ZDHHC8: variants seen among roughly 807,000 people sequenced by gnomAD.
ZDHHC8 encodes the protein zDHHC palmitoyltransferase 8.
A neutral mutation model predicts 61.2 loss-of-function variants in ZDHHC8; 24 were observed. That is an observed-to-expected ratio of 0.39 (90% CI 0.28 to 0.55). The LOEUF (loss-of-function observed/expected upper bound fraction) is 0.55. ZDHHC8 is among the 20% of genes least tolerant of loss of function. The probability of loss-of-function intolerance (pLI) is 0.60; values close to 1 mark genes in which losing one functional copy is unlikely to be tolerated. For missense variants in ZDHHC8, 935 were observed against 1,102.1 expected, an observed-to-expected ratio of 0.85 and a Z score of 2.15; for synonymous variants, 523 against 492.5, an observed-to-expected ratio of 1.06 and a Z score of -0.82.
Position 20,140,138 on chromosome 22 carries a change from G to A in ZDHHC8, c.581G>A (p.Gly194Asp). The A allele has an allele frequency of 6.2e-7, 1 of 1,613,720 alleles. No individual in the cohort carries two copies. The highest frequency in any genetic ancestry group is 8.5e-7 in the Non-Finnish European group (1 of 1,180,028). Reference protein sequence around the residue: ...TITMAVMCVAGLFFIPVIGLT... With the variant: ...TITMAVMCVADLFFIPVIGLT... Reference sequence around the variant, plus strand: ...AGCATGGCTGTCATGTGTGTGGCCGGCCTCTTCTTCATCCCTGTCATTGGC... The same window carrying A: ...AGCATGGCTGTCATGTGTGTGGCCGACCTCTTCTTCATCCCTGTCATTGGC... Residue 194 changes from glycine (G) to aspartate (D), a missense_variant, in exon 5 of 11, where the codon GGC becomes GAC. By Grantham distance (94) the Gly-to-Asp change is moderately conservative (BLOSUM62 -1). Coordinates refer to ENST00000334554, the MANE Select transcript of ZDHHC8 (RefSeq NM_013373.4).
In ZDHHC8 at chr22:20,145,575, C is replaced by G; in HGVS notation, c.*175C>G. 5.5e-6 allele frequency: 7 copies of G among 1,274,564 alleles called. No individual in the cohort carries two copies. Among genetic ancestry groups the G allele is most frequent in the Non-Finnish European group, 6.9e-6 (7 of 1,009,722 alleles). 79.0% of individuals were successfully genotyped at this position (1,274,564 alleles called of 1,614,324 possible). A position where few individuals can be genotyped will look rare whatever the true frequency, so the allele number is the denominator to read the frequency against. ...AGCTTGCCCCAAGCGCTCTGCCTGC[C>G]CGTCCACTCATCTGCCCATGGGGAA... On this transcript the variant is annotated 3_prime_UTR_variant, in exon 11 of 11. Transcript: ENST00000334554.
chr22:20,144,534 GAGCCC>G (rs755966104), intron 10 of ZDHHC8, among the ~76,000 whole-genome samples: 7 of 152,240 alleles, frequency 4.6e-5, no homozygotes, highest in African/African-American at 4.8e-5. Flanking sequence ...CCCAGAGGGA[GAGCCC>G]AGCCCAGCCC....
intron 1 of ZDHHC8, among the ~76,000 whole-genome samples, chr22:20,136,801 ATG>A (rs2050424929): frequency 6.6e-6 from 1 of 152,128 alleles, no homozygotes; most frequent in Non-Finnish European, 1.5e-5. Flanking sequence ...CTGTGTGTTT[ATG>A]TGTGTACATG....
intron 1 of ZDHHC8, among the ~76,000 whole-genome samples, chr22:20,136,513 C>T (rs911499130): frequency 2.0e-5 from 3 of 152,068 alleles, no homozygotes; most frequent in Admixed American, 6.5e-5. Flanking sequence ...GTGGGAGGGC[C>T]GTGTCTGAGG....
Position 20,143,364 on chromosome 22 carries a change from C to A in ZDHHC8, c.1734C>A (p.Val578=). Reference sequence around the variant, plus strand: ...ACTCACTCTTCGGCGACTCAGGCGTCTATGACGCTCCCAGCTCCTACAGCC... The same window carrying A: ...ACTCACTCTTCGGCGACTCAGGCGTATATGACGCTCCCAGCTCCTACAGCC... The part of the protein sequence containing the change: ...QADSLFGDSG[V]YDAPSSYSLQ... Residue 578 remains valine (V), a synonymous_variant, in exon 10 of 11, where the codon GTC becomes GTA. Coordinates refer to ENST00000334554, the MANE Select transcript of ZDHHC8 (RefSeq NM_013373.4). The A allele has an allele frequency of 6.3e-7, 1 of 1,585,016 alleles. No homozygotes were observed. Among genetic ancestry groups the A allele is most frequent in the Non-Finnish European group, 8.6e-7 (1 of 1,169,112 alleles).
chr22:20,140,318 G>T (rs2148006476), intron 5 of ZDHHC8, 101 bp downstream of exon 5: 1 of 1,223,086 alleles, frequency 8.2e-7, no homozygotes, highest in Middle Eastern at 2.4e-4. Context: ...GAGGTAGCTT[G>T]TGCAGCTGTG....
rs568441696 is a variant in ZDHHC8, at chr22:20,140,396, C to T, written c.660+179C>T. ...GCCTGCCCCGTCCCCTGCGCACATC[C>T]TGCCTGTGGACACTGTGGCCACCAG... On this transcript the variant is annotated intron_variant, in intron 5 of 10. Transcript: ENST00000334554. 3.2e-4 allele frequency: 253 copies of T among 781,390 alleles called. 1 individual carries two copies. The highest frequency in any genetic ancestry group is 2.8e-3 in the Middle Eastern group (8 of 2,874). The allele number at this position is 781,390 out of a possible 1,614,324, so 48.4% of individuals were successfully genotyped here.
At chr22:20,132,251 G>T (rs1170484810) in intron 1 of ZDHHC8, among the ~76,000 whole-genome samples, 200 bp downstream of exon 1, 1 of 152,218 alleles carries the variant, frequency 6.6e-6, no homozygotes, top group Non-Finnish European at 1.5e-5. Context: ...CCGGGCACCG[G>T]GGTGAGTCCC....
chr22:20,132,211 C>CT (rs1313069257), intron 1 of ZDHHC8, among the ~76,000 whole-genome samples, 160 bp downstream of exon 1: 1 of 152,090 alleles, frequency 6.6e-6, no homozygotes, highest in African/African-American at 2.4e-5. Flanking sequence ...CCCGCTGGGG[C>CT]TGGGGGAGTT....
intron 1 of ZDHHC8, among the ~76,000 whole-genome samples, chr22:20,134,570 A>G (rs761151701): frequency 6.6e-6 from 1 of 152,202 alleles, no homozygotes; most frequent in Non-Finnish European, 1.5e-5. Context: ...TAGTGCCTAT[A>G]CAGGGTTCCC....
In ZDHHC8 at chr22:20,143,502, G is replaced by A; in HGVS notation, c.1872G>A (p.Leu624=). Residue 624 remains leucine, a synonymous_variant, in exon 10 of 11, where the codon CTG becomes CTA. Coordinates refer to ENST00000334554, the MANE Select transcript of ZDHHC8 (RefSeq NM_013373.4). ...PGFGGARNPA[L]QTSLSSLSSS... Reference sequence around the variant, plus strand: ...TCGGTGGCGCCCGCAACCCTGCCCTGCAGACGTCACTGTCCTCGCTGTCCA... The same window carrying A: ...TCGGTGGCGCCCGCAACCCTGCCCTACAGACGTCACTGTCCTCGCTGTCCA... 1 of 1,600,856 alleles carries A rather than the reference G, an allele frequency of 6.2e-7. No individual in the cohort carries two copies.
At chr22:20,139,119 C>A (rs867536060) in intron 1 of ZDHHC8, 75 bp from the exon 2 acceptor site, 1 of 1,535,244 alleles carries the variant, frequency 6.5e-7, no homozygotes. Flanking sequence ...CCCAGCCTGC[C>A]GCACCACATA....
In ZDHHC8 at chr22:20,143,335, G is replaced by C. The variant is rs1345177897; in HGVS notation, c.1705G>C (p.Ala569Pro). Residue 569 changes from alanine (A) to proline (P), a missense_variant, in exon 10 of 11, where the codon GCC (alanine) becomes CCC (proline). Coordinates refer to ENST00000334554, the MANE Select transcript of ZDHHC8 (RefSeq NM_013373.4). ...GCGTGAGCGCCTGCTGCGCTCCCAG[G>C]CCGACTCACTCTTCGGCGACTCAGG... Reference protein sequence around the residue: ...EERERLLRSQADSLFGDSGVY... With the variant: ...EERERLLRSQPDSLFGDSGVY... The C allele has an allele frequency of 1.3e-6, 2 of 1,589,536 alleles. No homozygotes were observed. The highest frequency in any genetic ancestry group is 1.8e-5 in the Admixed American group (1 of 57,042).
At chr22:20,135,945 T>C (rs1299255800) in intron 1 of ZDHHC8, among the ~76,000 whole-genome samples, 1 of 152,268 alleles carries the variant, frequency 6.6e-6, no homozygotes, top group Non-Finnish European at 1.5e-5. Flanking sequence ...CCATTCCACA[T>C]TTAGCTGTGG....
At chr22:20,141,655 C>A in intron 9 of ZDHHC8, 125 bp downstream of exon 9, 1 of 824,108 alleles carries the variant, frequency 1.2e-6, no homozygotes, top group Non-Finnish European at 1.9e-6. Flanking sequence ...GCAGAGGCCA[C>A]ATCCCCTGAG....
chr22:20,141,156 C>A, intron 7 of ZDHHC8, 61 bp from the exon 8 acceptor site: 1 of 1,587,284 alleles, frequency 6.3e-7, no homozygotes, highest in South Asian at 1.1e-5. Flanking sequence ...CAGGCTGAAT[C>A]CCTAGTGAAG....
At position 20,140,894 on chromosome 22, in the gene ZDHHC8, T is replaced by G. The variant is rs141589913; in HGVS notation, c.776T>G (p.Leu259Arg). Reference sequence around the variant, plus strand: ...AGGTACGTGGTGGAGCCACCCCGGCTGCCGCTCGCGGTGAGTTTGAAGCCG... The same window carrying G: ...AGGTACGTGGTGGAGCCACCCCGGCGGCCGCTCGCGGTGAGTTTGAAGCCG... ...APRYVVEPPR[L>R]PLAVSLKPPF... Residue 259 changes from leucine (L) to arginine (R), a missense_variant, in exon 7 of 11, where the codon CTG becomes CGG. Leu to Arg is a moderately radical substitution (Grantham distance 102, BLOSUM62 -2). Around this residue, in one of 3 missense-constraint regions of ZDHHC8, gnomAD observed 692 missense variants for 731.4 expected, o/e 0.95. Coordinates refer to ENST00000334554, the MANE Select transcript of ZDHHC8 (RefSeq NM_013373.4). 5.9e-5 allele frequency: 95 copies of G among 1,604,180 alleles called. No homozygotes were observed. Among genetic ancestry groups the G allele is most frequent in the Admixed American group, 4.5e-4 (27 of 59,996 alleles).
intron 10 of ZDHHC8, among the ~76,000 whole-genome samples, 171 bp downstream of exon 10, chr22:20,143,927 G>T (rs1215323470): frequency 6.6e-6 from 1 of 152,224 alleles, no homozygotes; most frequent in African/African-American, 2.4e-5. Flanking sequence ...TGGCTAGCCC[G>T]TGTGGCCCAG....
intron 1 of ZDHHC8, among the ~76,000 whole-genome samples, chr22:20,133,772 A>AG (rs1399763815): frequency 6.6e-6 from 1 of 150,870 alleles, no homozygotes; most frequent in Non-Finnish European, 1.5e-5. Context: ...TGTGAAATAC[A>AG]GAAAAAAAAA....
Sources: allele counts gnomAD v4.1 joint callset (sites outside exome capture counted in the v4.1 genomes callset), GRCh38; gene constraint gnomAD v4.1.1; regional missense constraint gnomAD v4.1.1; transcripts MANE v1.5; gene names NCBI Gene and HGNC (gene_info 2026-07-23, HGNC 2026-07-21).